KCNJ16: variants seen among roughly 807,000 people sequenced by gnomAD.
KCNJ16 encodes the protein potassium inwardly rectifying channel subfamily J member 16.
KCNJ16 carries 15 observed loss-of-function variants against 18.5 expected under a neutral mutation model. The observed-to-expected ratio is 0.81, with a 90% CI of 0.54 to 1.25. KCNJ16 has a LOEUF of 1.25. Among genes scored for constraint, KCNJ16 ranks in the 50% most tolerant of loss-of-function variants. The pLI, the probability that KCNJ16 is intolerant of heterozygous loss-of-function variation, is 0.00. For missense variants in KCNJ16, 523 were observed against 525.7 expected, an observed-to-expected ratio of 0.99 and a Z score of 0.05; for synonymous variants, 174 against 186.5, an observed-to-expected ratio of 0.93 and a Z score of 0.55.
At chr17:70,103,321 T>TATATATATATACAC (rs1355893521) in intron 2 of KCNJ16, among the ~76,000 whole-genome samples, 1 of 44,488 alleles carries the variant, frequency 2.2e-5, no homozygotes, top group African/African-American at 6.9e-5. Flanking sequence ...TATATATATA[T>TATATATATATACAC]ACACACACAT....
chr17:70,111,907 T>G (rs2073202595), intron 2 of KCNJ16, among the ~76,000 whole-genome samples: 1 of 152,190 alleles, frequency 6.6e-6, no homozygotes, highest in African/African-American at 2.4e-5. Flanking sequence ...CCTCTTTTTC[T>G]GTATATAAAT....
chr17:70,130,484 C>T (rs374058827), intron 2 of KCNJ16, among the ~76,000 whole-genome samples: 85 of 152,220 alleles, frequency 5.6e-4, no homozygotes, highest in African/African-American at 2.0e-3. Flanking sequence ...ACATGCCTTA[C>T]GGGAGTTTGT....
chr17:70,089,861 C>T (rs1206628599), intron 1 of KCNJ16, among the ~76,000 whole-genome samples: 5 of 152,176 alleles, frequency 3.3e-5, no homozygotes, highest in South Asian at 2.1e-4. Context: ...AGATAAAGGC[C>T]GATCCTGCTA....
chr17:70,096,329 A>G (rs2072370888), intron 1 of KCNJ16, among the ~76,000 whole-genome samples: 1 of 152,034 alleles, frequency 6.6e-6, no homozygotes, highest in African/African-American at 2.4e-5. Flanking sequence ...AATTGGCTCT[A>G]TTTTCTTAGG....
At chr17:70,098,089 C>T (rs9302911) in intron 1 of KCNJ16, among the ~76,000 whole-genome samples, 138,985 of 152,282 alleles carry the variant, frequency 0.91, 63,574 homozygotes, top group East Asian at 0.97. Flanking sequence ...TCCAGCTCTA[C>T]CTCATACTTC....
chr17:70,121,030 G>T (rs767011906), intron 2 of KCNJ16, among the ~76,000 whole-genome samples: 1 of 152,138 alleles, frequency 6.6e-6, no homozygotes. Flanking sequence ...AGATGATGGG[G>T]TCCATAGAAG....
chr17:70,086,921 C>G (rs532654977), intron 1 of KCNJ16, among the ~76,000 whole-genome samples: 2 of 152,060 alleles, frequency 1.3e-5, no homozygotes, highest in Non-Finnish European at 2.9e-5. Context: ...TATTTCAAGA[C>G]AGAGTCTCAC....
At chr17:70,114,656 T>C (rs1032937272) in intron 2 of KCNJ16, among the ~76,000 whole-genome samples, 1 of 152,134 alleles carries the variant, frequency 6.6e-6, no homozygotes, top group Admixed American at 6.6e-5. Context: ...ATACTTGTAG[T>C]TCCTCTGGGC....
intron 2 of KCNJ16, among the ~76,000 whole-genome samples, chr17:70,117,296 T>G (rs1437402216): frequency 6.6e-6 from 1 of 152,078 alleles, no homozygotes; most frequent in Non-Finnish European, 1.5e-5. Flanking sequence ...CACCGAGGAC[T>G]ACTAGAAGGG....
At chr17:70,106,884 G>A (rs530535355) in intron 2 of KCNJ16, among the ~76,000 whole-genome samples, 31 of 152,244 alleles carry the variant, frequency 2.0e-4, no homozygotes, top group African/African-American at 7.0e-4. Context: ...TAACAGAGAC[G>A]AATAATGTTC....
chr17:70,103,295 T>TGTGTGTGTGA (rs1469513926), intron 2 of KCNJ16, among the ~76,000 whole-genome samples: 1 of 26,170 alleles, frequency 3.8e-5, no homozygotes, highest in Non-Finnish European at 7.7e-5. Flanking sequence ...TATGTGTGTG[T>TGTGTGTGTGA]GTATATATAT....
chr17:70,130,671 T>C (rs1332033977), intron 2 of KCNJ16, among the ~76,000 whole-genome samples: 1 of 152,196 alleles, frequency 6.6e-6, no homozygotes, highest in Non-Finnish European at 1.5e-5. Context: ...TGAATTTCCC[T>C]GGTTAGTTCC....
intron 2 of KCNJ16, among the ~76,000 whole-genome samples, chr17:70,103,084 A>G (rs1204900099): frequency 6.8e-6 from 1 of 147,992 alleles, no homozygotes; most frequent in African/African-American, 2.5e-5. Context: ...ACATGTGTGC[A>G]CCATCATCCA....
At chr17:70,103,937 CTT>C (rs71149820) in intron 2 of KCNJ16, among the ~76,000 whole-genome samples, 8 of 131,992 alleles carry the variant, frequency 6.1e-5, no homozygotes, top group Non-Finnish European at 9.4e-5. Flanking sequence ...ATTTTATTAT[CTT>C]TTTTTTTTTT....
intron 1 of KCNJ16, among the ~76,000 whole-genome samples, chr17:70,083,429 C>T (rs995844497): frequency 4.0e-5 from 6 of 151,440 alleles, no homozygotes; most frequent in Non-Finnish European, 5.9e-5. Context: ...ATTTGTTCAA[C>T]GATGGGGTGC....
intron 2 of KCNJ16, among the ~76,000 whole-genome samples, chr17:70,119,574 G>A (rs763562602): frequency 1.9e-4 from 29 of 152,150 alleles, no homozygotes; most frequent in Admixed American, 1.2e-3. Flanking sequence ...AGAAGTCACC[G>A]AGGATTATGG....
At chr17:70,093,640 G>A (rs2072225061) in intron 1 of KCNJ16, among the ~76,000 whole-genome samples, 1 of 152,170 alleles carries the variant, frequency 6.6e-6, no homozygotes, top group African/African-American at 2.4e-5. Flanking sequence ...GACTCCAGGA[G>A]ATTCCATGCT....
chr17:70,132,338 C>T lies in KCNJ16; in HGVS notation c.251C>T (p.Ser84Leu), dbSNP rs767943946. Reference sequence around the variant, plus strand: ...ATATTTTCTTTATCTTATATTCTCTCGTGGTTGATATTTGGCTCTGTCTTT... The same window carrying T: ...ATATTTTCTTTATCTTATATTCTCTTGTGGTTGATATTTGGCTCTGTCTTT... Reference protein sequence around the residue: ...FVIFSLSYILSWLIFGSVFWL... With the variant: ...FVIFSLSYILLWLIFGSVFWL... The change falls in exon 4 of 4, where the codon TCG becomes TTG. Residue 84 changes from serine (S) to leucine (L), a missense_variant. Coordinates refer to ENST00000392671, the MANE Select transcript of KCNJ16 (RefSeq NM_170741.4). 1.4e-5 allele frequency: 22 copies of T among 1,614,032 alleles called. 1 individual carries two copies. The highest frequency in any genetic ancestry group is 5.0e-5 in the Admixed American group (3 of 60,010).
At chr17:70,119,996 C>A (rs1442973680) in intron 2 of KCNJ16, among the ~76,000 whole-genome samples, 5 of 152,192 alleles carry the variant, frequency 3.3e-5, no homozygotes, top group Non-Finnish European at 7.3e-5. Context: ...AAATTTAGGT[C>A]ATTTCTTTGC....
Sources: gnomAD v4.1 joint callset for allele counts (sites outside exome capture counted in the v4.1 genomes callset) on GRCh38, gnomAD v4.1.1 for gene constraint, MANE v1.5 for transcripts, NCBI Gene and HGNC (gene_info 2026-07-23, HGNC 2026-07-21) for gene names.